CELSR3: variants seen among roughly 807,000 people sequenced by gnomAD.
The protein encoded by CELSR3 is EGF-like protein 1.
Under a neutral mutation model 270.0 loss-of-function variants are expected in CELSR3, and 73 were observed. That is an observed-to-expected ratio of 0.27 (90% CI 0.22 to 0.33). The LOEUF (loss-of-function observed/expected upper bound fraction) is 0.33. Among genes scored for constraint, CELSR3 ranks in the 10% least tolerant of loss-of-function variants. The pLI is 1.00. For synonymous variants in CELSR3, 1,780 were observed against 1,905.4 expected, an observed-to-expected ratio of 0.93 and a Z score of 1.71; for missense variants, 3,614 against 4,533.8, an observed-to-expected ratio of 0.80 and a Z score of 5.83.
chr3:48,648,336 A>G lies in CELSR3; in HGVS notation c.6903T>C (p.Tyr2301=). 6.2e-7 allele frequency: 1 copy of G among 1,607,500 alleles called. No homozygotes were observed. The highest frequency in any genetic ancestry group is 8.5e-7 in the Non-Finnish European group (1 of 1,177,376). The change falls in exon 19 of 35, where the codon TAT becomes TAC. Residue 2301 remains tyrosine, a synonymous_variant. Coordinates refer to ENST00000164024, the MANE Select transcript of CELSR3 (RefSeq NM_001407.3). Reference sequence around the variant, plus strand: ...CCATATTCCTTGCGAGTGTGGCTGCATACTCCTCCAGGTGCCTCACCAGTC... The same window carrying G: ...CCATATTCCTTGCGAGTGTGGCTGCGTACTCCTCCAGGTGCCTCACCAGTC... The part of the protein sequence containing the change: ...SAGLVRHLEE[Y]AATLARNMEL...
Position 48,639,655 on chromosome 3 carries a change from G to A in CELSR3, c.9911+19C>T. 1 of 1,611,902 alleles carries A rather than the reference G, an allele frequency of 6.2e-7. No homozygotes were observed. Among genetic ancestry groups the A allele is most frequent in the Non-Finnish European group, 8.5e-7 (1 of 1,178,986 alleles). ...CCTAAGCTGATGAGGGTGCAAGCAG[G>A]TGGCTGGACCATACTTACTCTGAGT... On this transcript the variant is annotated intron_variant, in intron 34 of 34. Coordinates refer to ENST00000164024, the MANE Select transcript of CELSR3 (RefSeq NM_001407.3). The surrounding 1 kb of genome is among the most constrained non-coding windows in gnomAD (Gnocchi z 4.1).
rs533892641 is a variant in CELSR3 at position 48,649,332 on chromosome 3, C to T, written c.6473-117G>A. ...CTGAGGCAGAAGTCAGAGTCATGAG[C>T]ATCTATAGCTGCACCCCTGGAGGTA... is the stretch of plus-strand genomic sequence containing the variant. On this transcript the variant is annotated intron_variant, in intron 16 of 34. Transcript: ENST00000164024. The T allele has an allele frequency of 1.2e-4, 101 of 854,166 alleles. No homozygotes were observed. The African/African-American group carries it at 1.5e-3, about 13-fold the overall frequency. 52.9% of individuals were successfully genotyped at this position (854,166 alleles called of 1,614,324 possible). A position where few individuals can be genotyped will look rare whatever the true frequency, so the allele number is the denominator to read the frequency against.
chr3:48,655,492 A>G lies in CELSR3; in HGVS notation c.4742-98T>C. The G allele has an allele frequency of 3.3e-6, 4 of 1,217,710 alleles. No individual in the cohort carries two copies. The highest frequency in any genetic ancestry group is 2.5e-5 in the South Asian group (2 of 80,942). The allele number at this position is 1,217,710 out of a possible 1,614,324, so 75.4% of individuals were successfully genotyped here. ...CCATTCCCAGGGCCACCCTGGATGCATCAGATCAGTCCCCCCACTGGTGAC... is the reference window on the plus strand; with the variant it reads ...CCATTCCCAGGGCCACCCTGGATGCGTCAGATCAGTCCCCCCACTGGTGAC... On this transcript the variant is annotated intron_variant, in intron 4 of 34. Transcript: ENST00000164024. This position sits in a 1 kb window ranked among gnomAD's most constrained non-coding sequence, Gnocchi z 5.8.
At position 48,657,181 on chromosome 3, in the gene CELSR3, G is replaced by C; in HGVS notation, c.3916C>G (p.Pro1306Ala). Residue 1306 changes from proline to alanine, a missense_variant, in exon 2 of 35, where the codon CCC becomes GCC. Around this residue, in one of 7 missense-constraint regions of CELSR3, gnomAD observed 1,331 missense variants for 1,933.7 expected, o/e 0.69. Transcript: ENST00000164024. This position sits in a 1 kb window ranked among gnomAD's most constrained non-coding sequence, Gnocchi z 5.4. ...LEGVAAVLAT[P>A]AEDVFIFNIQ... The stretch of plus-strand genomic sequence containing the variant: ...TTGAAGATGAAGACGTCCTCAGCGG[G>C]CGTAGCGAGCACCGCAGCCACGCCC... 6.2e-7 allele frequency: 1 copy of C among 1,613,972 alleles called. No homozygotes were observed. Among genetic ancestry groups the C allele is most frequent in the South Asian group, 1.1e-5 (1 of 91,084 alleles).
Position 48,639,561 on chromosome 3 carries a change from C to A in CELSR3, c.9911+113G>T. ...TCTGGCTGTGCTGAGCCTGGGGTAG[C>A]CCACACCTGTCTGCCAGCCCTCATC... On this transcript the variant is annotated intron_variant, in intron 34 of 34. Coordinates refer to ENST00000164024, the MANE Select transcript of CELSR3 (RefSeq NM_001407.3). The surrounding 1 kb of genome is among the most constrained non-coding windows in gnomAD (Gnocchi z 4.1). The A allele has an allele frequency of 7.0e-7, 1 of 1,430,668 alleles. No individual in the cohort carries two copies. Among genetic ancestry groups the A allele is most frequent in the Non-Finnish European group, 9.5e-7 (1 of 1,049,078 alleles). The allele number at this position is 1,430,668 out of a possible 1,614,324, so 88.6% of individuals were successfully genotyped here.
chr3:48,641,375 G>C lies in CELSR3; in HGVS notation c.8974C>G (p.Leu2992Val). Reference protein sequence around the residue: ...AANNNQPDPALTSGDETSLGR... With the variant: ...AANNNQPDPAVTSGDETSLGR... ...AGAGAAGTCTCATCCCCACTGGTCA[G>C]GGCCGGGTCTGGCTGGTTGTTGTTA... The change falls in exon 33 of 35, where the codon CTG becomes GTG. Residue 2992 changes from leucine to valine, a missense_variant. By Grantham distance (32) the Leu-to-Val change is conservative (BLOSUM62 1). Transcript: ENST00000164024. This position sits in a 1 kb window ranked among gnomAD's most constrained non-coding sequence, Gnocchi z 4.8. The C allele has an allele frequency of 6.2e-7, 1 of 1,612,686 alleles. No individual in the cohort carries two copies. Among genetic ancestry groups the C allele is most frequent in the Non-Finnish European group, 8.5e-7 (1 of 1,179,856 alleles).
In CELSR3 at chr3:48,658,232, G is replaced by C. The variant is rs1163293605; in HGVS notation, c.3748+655C>G. On this transcript the variant is annotated intron_variant, in intron 1 of 34. Coordinates refer to ENST00000164024, the MANE Select transcript of CELSR3 (RefSeq NM_001407.3). This position sits in a 1 kb window ranked among gnomAD's most constrained non-coding sequence, Gnocchi z 4.7. ...CTCCAGAACTGAGGAATGAGCACCA[G>C]TGAAGCCTATTTCCCAACCTCTGCA... is the stretch of plus-strand genomic sequence containing the variant. Among the ~76,000 whole-genome samples, 1 of 152,196 alleles carries C rather than the reference G, an allele frequency of 6.6e-6. No individual in the cohort carries two copies. Among genetic ancestry groups the C allele is most frequent in the Non-Finnish European group, 1.5e-5 (1 of 68,026 alleles).
chr3:48,650,770 G>GT lies in CELSR3; in HGVS notation c.6370+121dup. On this transcript the variant is annotated intron_variant, in intron 15 of 34. Coordinates refer to ENST00000164024, the MANE Select transcript of CELSR3 (RefSeq NM_001407.3). This position sits in a 1 kb window ranked among gnomAD's most constrained non-coding sequence, Gnocchi z 5.1. ...GGGGCAAAGGTAGGGTTCCCTGGGT[G>GT]TAAGTGGTCTCCCTCAGGAGAAGCT... 1 of 1,183,530 alleles carries GT rather than the reference G, an allele frequency of 8.4e-7. No homozygotes were observed. The highest frequency in any genetic ancestry group is 1.2e-6 in the Non-Finnish European group (1 of 845,514). The allele number at this position is 1,183,530 out of a possible 1,614,324, so 73.3% of individuals were successfully genotyped here.
In CELSR3 at chr3:48,642,310, G is replaced by A. The variant is rs747380707; in HGVS notation, c.8665+48C>T. 2 of 1,575,332 alleles carry A rather than the reference G, an allele frequency of 1.3e-6. No homozygotes were observed. The highest frequency in any genetic ancestry group is 1.3e-5 in the African/African-American group (1 of 74,208). On this transcript the variant is annotated intron_variant, in intron 31 of 34. Transcript: ENST00000164024. The surrounding 1 kb of genome is among the most constrained non-coding windows in gnomAD (Gnocchi z 6.1). The stretch of plus-strand genomic sequence containing the variant: ...TATGGGGTAGAAGAAAAGGGGATGG[G>A]GAGAGATCCTCTGCCTCCCTCCTCC...
rs1454884966 is a variant in CELSR3 at position 48,639,166 on chromosome 3, C to G, written c.9911+508G>C. On this transcript the variant is annotated intron_variant, in intron 34 of 34. Transcript: ENST00000164024. The surrounding 1 kb of genome is among the most constrained non-coding windows in gnomAD (Gnocchi z 4.1). ...AGCCCCACCCCAAAGTGTCCACAGA[C>G]AGGAGGAACTCAATGTTGACTGAAT... is the stretch of plus-strand genomic sequence containing the variant. Among the ~76,000 whole-genome samples, 1 of 152,180 alleles carries G rather than the reference C, an allele frequency of 6.6e-6. No homozygotes were observed. The highest frequency in any genetic ancestry group is 1.5e-5 in the Non-Finnish European group (1 of 68,040).
chr3:48,661,646 T>C lies in CELSR3; in HGVS notation c.989A>G (p.Tyr330Cys). ...NRHPQFPQYN[Y>C]QTLVPENEAA... ...CTCATTCTCCGGCACCAGCGTCTGGTAGTTGTACTGCGGAAACTGCGGGTG... is the reference window on the plus strand; with the variant it reads ...CTCATTCTCCGGCACCAGCGTCTGGCAGTTGTACTGCGGAAACTGCGGGTG... The change falls in exon 1 of 35, where the codon TAC (tyrosine) becomes TGC (cysteine). Residue 330 changes from tyrosine (Y) to cysteine (C), a missense_variant. Tyr to Cys is a radical substitution (Grantham distance 194). This residue lies in a region of CELSR3 where 470 missense variants were observed against 469.7 expected (regional missense o/e 1.00). Coordinates refer to ENST00000164024, the MANE Select transcript of CELSR3 (RefSeq NM_001407.3). 6.3e-7 allele frequency: 1 copy of C among 1,599,214 alleles called. No homozygotes were observed. The highest frequency in any genetic ancestry group is 8.5e-7 in the Non-Finnish European group (1 of 1,172,666).
In CELSR3 at chr3:48,657,195, G is replaced by T. The variant is rs111730426; in HGVS notation, c.3902C>A (p.Ala1301Glu). The change falls in exon 2 of 35, where the codon GCG (alanine) becomes GAG (glutamate). Residue 1301 changes from alanine (A) to glutamate (E), a missense_variant. Ala to Glu is a moderately radical substitution (Grantham distance 107). Transcript: ENST00000164024. The surrounding 1 kb of genome is among the most constrained non-coding windows in gnomAD (Gnocchi z 5.4). ...LLGRFLEGVA[A>E]VLATPAEDVF... is the part of the protein sequence containing the mutation. ...GTCCTCAGCGGGCGTAGCGAGCACC[G>T]CAGCCACGCCCTCGAGGAAGCGGCC... 28 of 1,613,846 alleles carry T rather than the reference G, an allele frequency of 1.7e-5. No homozygotes were observed. In the African/African-American group the frequency reaches 2.1e-4, roughly 12 times the overall value.
chr3:48,639,557 G>A lies in CELSR3; in HGVS notation c.9911+117C>T. On this transcript the variant is annotated intron_variant, in intron 34 of 34. Coordinates refer to ENST00000164024, the MANE Select transcript of CELSR3 (RefSeq NM_001407.3). The surrounding 1 kb of genome is among the most constrained non-coding windows in gnomAD (Gnocchi z 4.1). Reference sequence around the variant, plus strand: ...GCCCTCTGGCTGTGCTGAGCCTGGGGTAGCCCACACCTGTCTGCCAGCCCT... The same window carrying A: ...GCCCTCTGGCTGTGCTGAGCCTGGGATAGCCCACACCTGTCTGCCAGCCCT... The A allele has an allele frequency of 1.4e-6, 2 of 1,388,612 alleles. No homozygotes were observed. The highest frequency in any genetic ancestry group is 2.0e-6 in the Non-Finnish European group (2 of 1,015,764). The allele number at this position is 1,388,612 out of a possible 1,614,324, so 86.0% of individuals were successfully genotyped here. A position where few individuals can be genotyped will look rare whatever the true frequency, so the allele number is the denominator to read the frequency against.
rs547962497 is a variant in CELSR3 at position 48,639,991 on chromosome 3, C to T, written c.9594G>A (p.Ser3198=). 15 of 1,612,490 alleles carry T rather than the reference C, an allele frequency of 9.3e-6. No individual in the cohort carries two copies. Among genetic ancestry groups the T allele is most frequent in the South Asian group, 3.3e-5 (3 of 91,090 alleles). The change falls in exon 34 of 35, where the codon TCG becomes TCA. Residue 3198 remains serine (S), a synonymous_variant. Transcript: ENST00000164024. The surrounding 1 kb of genome is among the most constrained non-coding windows in gnomAD (Gnocchi z 4.1). Reference sequence around the variant, plus strand: ...CCTGGTCCAGCTGCTCCCGAGAGTTCGAGCTCCTAGACAGAGAGTCCAGCG... The same window carrying T: ...CCTGGTCCAGCTGCTCCCGAGAGTTTGAGCTCCTAGACAGAGAGTCCAGCG... The part of the protein sequence containing the change: ...SRPLDSLSRS[S]NSREQLDQVP...
In CELSR3 at chr3:48,649,234, T is replaced by C. The variant is rs766346018; in HGVS notation, c.6473-19A>G. 12 of 1,590,708 alleles carry C rather than the reference T, an allele frequency of 7.5e-6. No individual in the cohort carries two copies. The highest frequency in any genetic ancestry group is 2.3e-5 in the East Asian group (1 of 44,268). ...GCAGCACCTGGAGGCAGGCAACCCCTGGTCAGGCCTGGGGCCTGGATACCT... is the reference window on the plus strand; with the variant it reads ...GCAGCACCTGGAGGCAGGCAACCCCCGGTCAGGCCTGGGGCCTGGATACCT... On this transcript the variant is annotated intron_variant, in intron 16 of 34. Coordinates refer to ENST00000164024, the MANE Select transcript of CELSR3 (RefSeq NM_001407.3).
chr3:48,661,996 G>A lies in CELSR3; in HGVS notation c.639C>T (p.Ser213=). 6.2e-7 allele frequency: 1 copy of A among 1,614,026 alleles called. No homozygotes were observed. Among genetic ancestry groups the A allele is most frequent in the East Asian group, 2.2e-5 (1 of 44,870 alleles). The change falls in exon 1 of 35, where the codon AGC becomes AGT. Residue 213 remains serine, a synonymous_variant. Transcript: ENST00000164024. ...RCCGELWATG[S]KGQGERATTS... is the part of the protein sequence containing the mutation. ...TCGTGGCTCTCTCGCCCTGACCCTT[G>A]CTCCCTGTTGCCCATAATTCCCCAC... is the stretch of plus-strand genomic sequence containing the variant.
chr3:48,653,097 G>A lies in CELSR3; in HGVS notation c.5539C>T (p.Arg1847Trp), dbSNP rs755883057. The A allele has an allele frequency of 5.4e-5, 87 of 1,613,244 alleles. No homozygotes were observed. Among genetic ancestry groups the A allele is most frequent in the Non-Finnish European group, 7.3e-5 (86 of 1,180,018 alleles). The change falls in exon 10 of 35, where the codon CGG becomes TGG. Residue 1847 changes from arginine (R) to tryptophan (W), a missense_variant. Arg to Trp is a moderately radical substitution (Grantham distance 101, BLOSUM62 -3). This residue lies in a region of CELSR3 where 1,331 missense variants were observed against 1,933.7 expected (regional missense o/e 0.69). Transcript: ENST00000164024. The surrounding 1 kb of genome is among the most constrained non-coding windows in gnomAD (Gnocchi z 6.5). Reference sequence around the variant, plus strand: ...AACTCCAGCCGCAGATCGTGCCACCGGCCATCACTGACAGTCACCTGGTCC... The same window carrying A: ...AACTCCAGCCGCAGATCGTGCCACCAGCCATCACTGACAGTCACCTGGTCC... ...LLDQVTVSDG[R>W]WHDLRLELQE...
Position 48,662,284 on chromosome 3 carries a change from T to A in CELSR3, c.351A>T (p.Pro117=). ...EELGIEHGVQ[P]LGSRERETGQ... ...CTGTCTCTCGTTCGCGGCTGCCCAA[T>A]GGCTGGACGCCGTGTTCAATCCCCA... Residue 117 remains proline, a synonymous_variant, in exon 1 of 35, where the codon CCA becomes CCT. Transcript: ENST00000164024. This position sits in a 1 kb window ranked among gnomAD's most constrained non-coding sequence, Gnocchi z 7.1. 1.9e-6 allele frequency: 3 copies of A among 1,613,088 alleles called. No individual in the cohort carries two copies. The highest frequency in any genetic ancestry group is 2.5e-6 in the Non-Finnish European group (3 of 1,180,030).
Position 48,655,653 on chromosome 3 carries a change from C to T in CELSR3, c.4741+83G>A. ...GGCGTGGAGTGTGTGCTCAGGTGCACAGTGAAGCAAACCTGAGGGGACTTG... is the reference window on the plus strand; with the variant it reads ...GGCGTGGAGTGTGTGCTCAGGTGCATAGTGAAGCAAACCTGAGGGGACTTG... On this transcript the variant is annotated intron_variant, in intron 4 of 34. Coordinates refer to ENST00000164024, the MANE Select transcript of CELSR3 (RefSeq NM_001407.3). The surrounding 1 kb of genome is among the most constrained non-coding windows in gnomAD (Gnocchi z 5.8). 1 of 1,224,760 alleles carries T rather than the reference C, an allele frequency of 8.2e-7. No homozygotes were observed. The highest frequency in any genetic ancestry group is 1.2e-6 in the Non-Finnish European group (1 of 828,594). The allele number at this position is 1,224,760 out of a possible 1,614,324, so 75.9% of individuals were successfully genotyped here.
Sources: allele counts gnomAD v4.1 joint callset (sites outside exome capture counted in the v4.1 genomes callset), GRCh38; gene constraint gnomAD v4.1.1; regional missense constraint gnomAD v4.1.1; non-coding constraint Gnocchi (gnomAD v3.1); transcripts MANE v1.5; gene names NCBI Gene and HGNC (gene_info 2026-07-23, HGNC 2026-07-21).